The following BCO1 variants were observed in gnomAD, a reference collection of about 807,000 sequenced individuals.
BCO1 encodes beta,beta-carotene 15,15'-dioxygenase.
Under a neutral mutation model 56.3 loss-of-function variants are expected in BCO1, and 54 were observed. The observed-to-expected ratio is 0.96, with a 90% CI of 0.77 to 1.20. The LOEUF is 1.20. Among genes scored for constraint, BCO1 ranks in the 50% most tolerant of loss-of-function variants. BCO1 has a pLI of 0.00. For synonymous variants in BCO1, 318 were observed against 266.1 expected (o/e 1.20, Z -1.90); for missense variants, 801 against 690.9 (o/e 1.16, Z -1.79).
chr16:81,242,864 C>A (rs997433224), intron 1 of BCO1, among the ~76,000 whole-genome samples: 2 of 152,096 alleles, frequency 1.3e-5, no homozygotes, highest in African/African-American at 4.8e-5. Context: ...TGAGTGCAAA[C>A]CCTACTGTGA....
chr16:81,252,405 G>A (rs997877388), intron 2 of BCO1, among the ~76,000 whole-genome samples: 2 of 151,986 alleles, frequency 1.3e-5, no homozygotes, highest in African/African-American at 2.4e-5. Flanking sequence ...ACAGACACCC[G>A]GCACCATGCC....
intron 10 of BCO1, 85 bp from the exon 11 acceptor site, chr16:81,290,263 G>A (rs907363638): frequency 1.3e-5 from 15 of 1,132,548 alleles, no homozygotes; most frequent in South Asian, 5.0e-5. Context: ...TATGTTTAAA[G>A]AGGGCAGAGA....
intron 3 of BCO1, among the ~76,000 whole-genome samples, chr16:81,261,253 T>TC: frequency 6.6e-6 from 1 of 152,154 alleles, no homozygotes; most frequent in Non-Finnish European, 1.5e-5. Flanking sequence ...GGAGGAGCAC[T>TC]CCCCAATACA....
chr16:81,267,812 T>G, intron 5 of BCO1, 96 bp from the exon 6 acceptor site: 1 of 1,062,932 alleles, frequency 9.4e-7, no homozygotes, highest in Non-Finnish European at 1.4e-6. Flanking sequence ...AAGGTTTTTT[T>G]CAGCAATCAA....
chr16:81,286,329 G>A lies in BCO1; in HGVS notation c.1302+695G>A, dbSNP rs536066336. 2.7e-4 allele frequency among the ~76,000 whole-genome samples: 41 copies of A among 152,130 alleles called. No homozygotes were observed. The South Asian group carries it at 8.5e-3, about 32-fold the overall frequency. ...ATCTTTTTTTTAAAATGCAAACAGA[G>A]CAGGAATGTACACAGCCAAAAATTA... is the stretch of plus-strand genomic sequence containing the variant. On this transcript the variant is annotated intron_variant, in intron 9 of 10. Transcript: ENST00000258168.
rs576943556 is a variant in BCO1, at chr16:81,264,467, G to A, written c.472-173G>A. ...AAAGTCTTCTTTAAAAGCAAATTCT[G>A]TATCGTTTTCAGATCAACAGAGTGC... On this transcript the variant is annotated intron_variant, in intron 4 of 10. Transcript: ENST00000258168. Among the ~76,000 whole-genome samples the A allele has an allele frequency of 2.0e-5, 3 of 152,290 alleles. No individual in the cohort carries two copies. The South Asian group carries it at 6.2e-4, about 32-fold the overall frequency.
chr16:81,254,828 G>A (rs1906028120), intron 2 of BCO1, among the ~76,000 whole-genome samples: 1 of 151,990 alleles, frequency 6.6e-6, no homozygotes, highest in Non-Finnish European at 1.5e-5. Flanking sequence ...GCAGGGTCTT[G>A]CTCTGTTGCC....
rs1597337487 is a variant in BCO1 at position 81,238,914 on chromosome 16, T to C, written c.6T>C (p.Asp2=). Residue 2 remains aspartate (D), a synonymous_variant, in exon 1 of 11, where the codon GAT becomes GAC. Coordinates refer to ENST00000258168, the MANE Select transcript of BCO1 (RefSeq NM_017429.3). ...CTCCCTCGGCACCCTGAGCAATGGA[T>C]ATAATATTTGGCAGGAATAGGAAAG... The part of the protein sequence containing the change: M[D]IIFGRNRKEQ... The C allele has an allele frequency of 6.2e-7, 1 of 1,614,010 alleles. No homozygotes were observed. The highest frequency in any genetic ancestry group is 8.5e-7 in the Non-Finnish European group (1 of 1,179,968).
At chr16:81,276,185 A>T (rs1472558079) in intron 7 of BCO1, among the ~76,000 whole-genome samples, 1 of 152,204 alleles carries the variant, frequency 6.6e-6, no homozygotes, top group Non-Finnish European at 1.5e-5. Context: ...TCTGTGTTCA[A>T]TGCCTTTTCT....
intron 8 of BCO1, 64 bp from the exon 9 acceptor site, chr16:81,285,475 AG>A: frequency 8.4e-7 from 1 of 1,195,612 alleles, no homozygotes; most frequent in Non-Finnish European, 1.3e-6. Context: ...CCAATCTGAC[AG>A]GAAGGGTGGA....
intron 2 of BCO1, among the ~76,000 whole-genome samples, chr16:81,248,801 C>T (rs192700978): frequency 1.5e-3 from 226 of 152,250 alleles, no homozygotes; most frequent in African/African-American, 5.2e-3. Context: ...CACCTGAAGT[C>T]GGGAGTTCAA....
At chr16:81,273,321 T>C (rs776297713) in intron 7 of BCO1, among the ~76,000 whole-genome samples, 11 of 152,206 alleles carry the variant, frequency 7.2e-5, no homozygotes, top group Non-Finnish European at 1.3e-4. Context: ...GGAGGAACTC[T>C]GCTATTCTCC....
chr16:81,279,146 G>A (rs1292741227), intron 7 of BCO1, among the ~76,000 whole-genome samples: 2 of 151,994 alleles, frequency 1.3e-5, no homozygotes, highest in Admixed American at 6.6e-5. Flanking sequence ...GGATGGTGAC[G>A]CATGCCCGTA....
chr16:81,286,989 C>A (rs1337171107), intron 9 of BCO1, among the ~76,000 whole-genome samples: 2 of 152,174 alleles, frequency 1.3e-5, no homozygotes, highest in Non-Finnish European at 2.9e-5. Flanking sequence ...GCAGGAGAAT[C>A]ACTTGAACCC....
chr16:81,247,877 A>G (rs1271704849), intron 2 of BCO1, among the ~76,000 whole-genome samples: 1 of 151,640 alleles, frequency 6.6e-6, no homozygotes, highest in Non-Finnish European at 1.5e-5. Context: ...ACATAAAAAT[A>G]AAACCACTAT....
At chr16:81,242,882 C>A (rs1905201569) in intron 1 of BCO1, among the ~76,000 whole-genome samples, 2 of 152,036 alleles carry the variant, frequency 1.3e-5, no homozygotes, top group Non-Finnish European at 2.9e-5. Context: ...TGAGCGTGAA[C>A]CCTGTCGTGA....
At chr16:81,267,271 T>C (rs951670364) in intron 5 of BCO1, among the ~76,000 whole-genome samples, 2 of 152,128 alleles carry the variant, frequency 1.3e-5, no homozygotes, top group Non-Finnish European at 2.9e-5. Flanking sequence ...TTCCCATCTA[T>C]AAAATGGCCA....
chr16:81,244,017 A>G (rs530872815), intron 1 of BCO1, among the ~76,000 whole-genome samples: 17 of 152,374 alleles, frequency 1.1e-4, no homozygotes, highest in African/African-American at 3.8e-4. Flanking sequence ...TTGTCCCCCA[A>G]TTCTGCATCC....
chr16:81,268,545 A>C (rs571837342), intron 6 of BCO1, among the ~76,000 whole-genome samples: 2 of 152,302 alleles, frequency 1.3e-5, no homozygotes, highest in East Asian at 3.9e-4. Context: ...AGAGGTTTAG[A>C]CATTGTAATG....
Sources: gnomAD v4.1 joint callset for allele counts (sites outside exome capture counted in the v4.1 genomes callset) on GRCh38, gnomAD v4.1.1 for gene constraint, MANE v1.5 for transcripts, NCBI Gene and HGNC (gene_info 2026-07-23, HGNC 2026-07-21) for gene names.